Variants in ZMAT4 observed in about 807,000 individuals in gnomAD.
ZMAT4 encodes zinc finger matrin-type 4.
Under a neutral mutation model 28.7 loss-of-function variants are expected in ZMAT4, and 17 were observed. The observed-to-expected ratio is 0.59, with a 90% CI of 0.41 to 0.89. ZMAT4 has a LOEUF of 0.89. Ranked by LOEUF, ZMAT4 falls within the 40% of genes least tolerant of loss-of-function variation. The probability of loss-of-function intolerance (pLI) is 0.00; values close to 1 mark genes in which losing one functional copy is unlikely to be tolerated. For synonymous variants in ZMAT4, 117 were observed against 109.2 expected (o/e 1.07, Z -0.44); for missense variants, 240 against 283.8 (o/e 0.85, Z 1.11).
chr8:40,565,002 C>T (rs1306967864), intron 6 of ZMAT4, among the ~76,000 whole-genome samples: 1 of 152,158 alleles, frequency 6.6e-6, no homozygotes, highest in Non-Finnish European at 1.5e-5. Flanking sequence ...CTTATTGGAG[C>T]TGCTCATTTG....
intron 3 of ZMAT4, among the ~76,000 whole-genome samples, chr8:40,736,228 G>A (rs1186791986): frequency 2.0e-5 from 3 of 152,170 alleles, no homozygotes; most frequent in East Asian, 1.9e-4. Flanking sequence ...CATCAAGCTG[G>A]TAAAAATGAT....
chr8:40,589,762 T>TTC (rs139887440), intron 5 of ZMAT4, among the ~76,000 whole-genome samples: 990 of 33,390 alleles, frequency 0.03, 10 homozygotes, highest in African/African-American at 0.075. Flanking sequence ...CTTTCTTTCT[T>TTC]TTTCTTTCTT....
intron 5 of ZMAT4, among the ~76,000 whole-genome samples, chr8:40,600,797 C>T (rs148442187): frequency 3.3e-5 from 5 of 152,300 alleles, no homozygotes; most frequent in Non-Finnish European, 5.9e-5. Context: ...TGTCAGCCCA[C>T]ACTGCCATCC....
At chr8:40,632,019 G>A (rs1407508163) in intron 5 of ZMAT4, among the ~76,000 whole-genome samples, 3 of 152,022 alleles carry the variant, frequency 2.0e-5, no homozygotes, top group Non-Finnish European at 4.4e-5. Context: ...TCAAATCCAG[G>A]TTTTTTTTCC....
intron 5 of ZMAT4, among the ~76,000 whole-genome samples, chr8:40,584,448 A>T (rs1804596675): frequency 6.6e-6 from 1 of 152,184 alleles, no homozygotes; most frequent in Admixed American, 6.5e-5. Context: ...ATATTTAAAA[A>T]TTACTGCTCT....
chr8:40,693,516 C>T (rs978902844), intron 4 of ZMAT4, among the ~76,000 whole-genome samples: 2 of 152,154 alleles, frequency 1.3e-5, no homozygotes, highest in Admixed American at 1.3e-4. Context: ...CACCCTAGCA[C>T]CCGTTGTGAG....
At chr8:40,769,786 GT>G (rs5891121) in intron 2 of ZMAT4, among the ~76,000 whole-genome samples, 1,559 of 145,106 alleles carry the variant, frequency 0.011, 19 homozygotes, top group African/African-American at 0.033. Flanking sequence ...GTTTGTGGCT[GT>G]TTTTTTTTTT....
chr8:40,896,768 G>A (rs991172927), intron 1 of ZMAT4, among the ~76,000 whole-genome samples: 7 of 152,130 alleles, frequency 4.6e-5, no homozygotes, highest in Non-Finnish European at 8.8e-5. Flanking sequence ...CAGAAGCAGT[G>A]TGGATGGTGA....
At position 40,602,467 on chromosome 8, in the gene ZMAT4, T is replaced by C. The variant is rs187858343; in HGVS notation, c.578-21206A>G. Among the ~76,000 whole-genome samples, 8 of 152,314 alleles carry C rather than the reference T, an allele frequency of 5.3e-5. No homozygotes were observed. The East Asian group carries it at 1.2e-3, about 22-fold the overall frequency. The stretch of plus-strand genomic sequence containing the variant: ...CCACACTGTTGCTCCATAATGGTTG[T>C]ATTAGTTTACATTCACACCAAAGGG... On this transcript the variant is annotated intron_variant, in intron 5 of 6. Transcript: ENST00000297737.
At chr8:40,886,977 C>T (rs1368020285) in intron 1 of ZMAT4, among the ~76,000 whole-genome samples, 1 of 152,072 alleles carries the variant, frequency 6.6e-6, no homozygotes, top group African/African-American at 2.4e-5. Flanking sequence ...CGAGACCAAC[C>T]TGGCTAACAT....
At chr8:40,720,367 T>G (rs569478229) in intron 3 of ZMAT4, among the ~76,000 whole-genome samples, 1 of 152,258 alleles carries the variant, frequency 6.6e-6, no homozygotes, top group African/African-American at 2.4e-5. Context: ...TCTGGATGAA[T>G]GCAGGTATTA....
intron 3 of ZMAT4, among the ~76,000 whole-genome samples, chr8:40,763,881 A>G (rs1390814122): frequency 6.6e-6 from 1 of 152,170 alleles, no homozygotes; most frequent in Non-Finnish European, 1.5e-5. Context: ...CTCTATGTTT[A>G]GAGGGAATTA....
intron 6 of ZMAT4, among the ~76,000 whole-genome samples, chr8:40,578,565 AGAATT>A (rs1437593974): frequency 6.6e-6 from 1 of 152,202 alleles, no homozygotes; most frequent in African/African-American, 2.4e-5. Context: ...AACAGACAAA[AGAATT>A]GAACAAACAT....
At chr8:40,555,411 C>G (rs888756846) in intron 6 of ZMAT4, among the ~76,000 whole-genome samples, 3 of 152,068 alleles carry the variant, frequency 2.0e-5, no homozygotes, top group South Asian at 2.1e-4. Context: ...CAGATATACT[C>G]CACAGTCTTC....
chr8:40,672,193 G>A (rs77067373), intron 5 of ZMAT4, among the ~76,000 whole-genome samples: 321 of 152,236 alleles, frequency 2.1e-3, no homozygotes, highest in African/African-American at 5.9e-3. Flanking sequence ...TTGCTATATC[G>A]TGCTTCAGCT....
chr8:40,839,921 T>TAC (rs1816643582), intron 1 of ZMAT4, among the ~76,000 whole-genome samples: 1 of 152,222 alleles, frequency 6.6e-6, no homozygotes, highest in East Asian at 1.9e-4. Flanking sequence ...ATGTACCCCA[T>TAC]ACATTTGTAT....
At chr8:40,722,843 C>T (rs1240755227) in intron 3 of ZMAT4, among the ~76,000 whole-genome samples, 2 of 152,146 alleles carry the variant, frequency 1.3e-5, no homozygotes, top group African/African-American at 4.8e-5. Flanking sequence ...TCACATACAT[C>T]TCCACCTGTG....
intron 5 of ZMAT4, among the ~76,000 whole-genome samples, chr8:40,592,109 G>A (rs370907675): frequency 6.6e-6 from 1 of 152,140 alleles, no homozygotes; most frequent in African/African-American, 2.4e-5. Flanking sequence ...TGGGGGGTAG[G>A]GGTGTGGAAC....
intron 1 of ZMAT4, chr8:40,888,469 C>T (rs539890029): frequency 6.6e-6 from 1 of 152,360 alleles, no homozygotes; most frequent in Non-Finnish European, 1.5e-5. Context: ...ATGCAGCCTA[C>T]ACCACTCCTC....
Sources: gnomAD v4.1 joint callset for allele counts (sites outside exome capture counted in the v4.1 genomes callset) on GRCh38, gnomAD v4.1.1 for gene constraint, MANE v1.5 for transcripts, NCBI Gene and HGNC (gene_info 2026-07-23, HGNC 2026-07-21) for gene names.